Variants in SHISA9 observed in about 807,000 individuals in gnomAD.
The protein encoded by SHISA9 is protein shisa-9.
A neutral mutation model predicts 38.0 loss-of-function variants in SHISA9; 13 were observed. That is an observed-to-expected ratio of 0.34 (90% CI 0.22 to 0.54). SHISA9 has a LOEUF of 0.54. Among genes scored for constraint, SHISA9 ranks in the 20% least tolerant of loss-of-function variants. The pLI is 0.91. For synonymous variants in SHISA9, 275 were observed against 242.0 expected (o/e 1.14, Z -1.27); for missense variants, 538 against 575.8 (o/e 0.93, Z 0.67).
the SHISA9 span, among the ~76,000 whole-genome samples, chr16:13,476,698 A>G: frequency 0.19 from 26,616 of 138,740 alleles, 2,981 homozygotes; most frequent in East Asian, 0.38. Flanking sequence ...TTGTTCTTTG[A>G]CTGAATTTTG....
intron 1 of SHISA9, chr16:12,909,189 A>G (rs1349050339): frequency 2.0e-6 from 2 of 985,824 alleles, no homozygotes; most frequent in African/African-American, 1.7e-5. Context: ...CTCTTTGGGC[A>G]CTGAGTCCTT....
chr16:13,069,182 GTA>G (rs1051974364), intron 2 of SHISA9, among the ~76,000 whole-genome samples: 3 of 138,380 alleles, frequency 2.2e-5, no homozygotes, highest in South Asian at 2.1e-4. Context: ...CATGCAATGT[GTA>G]TATGTGTATA....
the SHISA9 span, among the ~76,000 whole-genome samples, chr16:13,548,074 C>G: frequency 6.6e-6 from 1 of 152,134 alleles, no homozygotes; most frequent in East Asian, 1.9e-4. Flanking sequence ...CACTTAAAGC[C>G]AGCCAATTTT....
chr16:13,488,462 T>C, the SHISA9 span, among the ~76,000 whole-genome samples: 2 of 152,212 alleles, frequency 1.3e-5, no homozygotes, highest in African/African-American at 4.8e-5. Context: ...CCCTCTTACA[T>C]ATACATTACT....
the SHISA9 span, among the ~76,000 whole-genome samples, chr16:13,483,437 G>GC: frequency 1.3e-4 from 20 of 152,172 alleles, no homozygotes; most frequent in Admixed American, 6.5e-4. Flanking sequence ...ACATACAAGG[G>GC]AGCAGAGAAC....
intron 2 of SHISA9, among the ~76,000 whole-genome samples, chr16:12,943,975 C>A (rs1243733725): frequency 2.0e-5 from 3 of 152,048 alleles, no homozygotes; most frequent in African/African-American, 7.2e-5. Flanking sequence ...CTATTGATAT[C>A]TTGGGTCAGA....
intron 2 of SHISA9, among the ~76,000 whole-genome samples, chr16:12,924,663 C>T (rs2071371331): frequency 6.6e-6 from 1 of 152,154 alleles, no homozygotes; most frequent in Non-Finnish European, 1.5e-5. Context: ...GTAGGTTCAG[C>T]ACAGTAGCCT....
intron 4 of SHISA9, among the ~76,000 whole-genome samples, chr16:13,217,237 C>T (rs1423188239): frequency 1.3e-5 from 2 of 152,060 alleles, no homozygotes; most frequent in Non-Finnish European, 2.9e-5. Flanking sequence ...GAGATCTTGC[C>T]ACTGCACCCC....
intron 2 of SHISA9, among the ~76,000 whole-genome samples, chr16:13,019,868 CTCCCTCCCTCCCTCCCTTCT>C (rs2072813323): frequency 2.4e-4 from 8 of 33,840 alleles, no homozygotes; most frequent in Admixed American, 2.1e-3. Context: ...CCCTCCCTCC[CTCCCTCCCTCCCTCCCTTCT>C]TTCTTTCTTT....
intron 2 of SHISA9, among the ~76,000 whole-genome samples, chr16:13,042,509 A>G (rs547951346): frequency 6.6e-6 from 1 of 152,334 alleles, no homozygotes; most frequent in Non-Finnish European, 1.5e-5. Flanking sequence ...AGTTGTTCTC[A>G]TCAAAGTCTT....
chr16:13,235,380 A>G lies in SHISA9; in HGVS notation c.1246A>G (p.Thr416Ala). ...CCCACCCCCACAGCCATACTTCATC[A>G]CCAACAGCAAAACAGAAGTGACTGT... ...HYPPPQPYFI[T>A]NSKTEVTV The change falls in exon 5 of 5, where the codon ACC becomes GCC. Residue 416 changes from threonine (T) to alanine (A), a missense_variant. Around this residue, in one of 4 missense-constraint regions of SHISA9, gnomAD observed 326 missense variants for 305.9 expected, o/e 1.07. Coordinates refer to ENST00000558583, the MANE Select transcript of SHISA9 (RefSeq NM_001145204.3). The G allele has an allele frequency of 1.3e-6, 2 of 1,539,168 alleles. No individual in the cohort carries two copies. Among genetic ancestry groups the G allele is most frequent in the Non-Finnish European group, 1.7e-6 (2 of 1,146,818 alleles).
chr16:13,297,489 A>G, the SHISA9 span, among the ~76,000 whole-genome samples: 262 of 152,264 alleles, frequency 1.7e-3, 1 homozygote, highest in African/African-American at 5.9e-3. Context: ...CCTGGGGTTG[A>G]GACAGTTGCA....
the SHISA9 span, among the ~76,000 whole-genome samples, chr16:13,494,970 A>G: frequency 6.6e-6 from 1 of 152,246 alleles, no homozygotes; most frequent in Non-Finnish European, 1.5e-5. Context: ...AAATAAGTCA[A>G]TCTGACAAGA....
At chr16:13,195,611 A>G (rs2050930250) in intron 2 of SHISA9, among the ~76,000 whole-genome samples, 2 of 152,224 alleles carry the variant, frequency 1.3e-5, no homozygotes, top group East Asian at 1.9e-4. Flanking sequence ...AGGGGAAAAT[A>G]GAATAATTTT....
Position 12,993,058 on chromosome 16 carries a change from C to T in SHISA9, c.691+76243C>T, listed in dbSNP as rs1009367059. 3.3e-5 allele frequency among the ~76,000 whole-genome samples: 5 copies of T among 152,312 alleles called. No individual in the cohort carries two copies. The East Asian group carries it at 9.7e-4, about 29-fold the overall frequency. ...TCATTTCCATCTTGGATTTTAAAGA[C>T]AGTTAATTTTTTGGTGTGTATTTAT... On this transcript the variant is annotated intron_variant, in intron 2 of 4. Transcript: ENST00000558583.
the SHISA9 span, among the ~76,000 whole-genome samples, chr16:13,449,565 T>C: frequency 1.1e-4 from 17 of 152,292 alleles, no homozygotes; most frequent in African/African-American, 3.8e-4. Flanking sequence ...ATCCACTGGA[T>C]TGTACCATCA....
the SHISA9 span, among the ~76,000 whole-genome samples, chr16:13,492,238 G>C: frequency 6.6e-6 from 1 of 152,122 alleles, no homozygotes; most frequent in Non-Finnish European, 1.5e-5. Flanking sequence ...CTGTGGGCGA[G>C]CACTGGGGAA....
intron 2 of SHISA9, among the ~76,000 whole-genome samples, chr16:13,073,163 A>G (rs1410822966): frequency 6.6e-6 from 1 of 151,748 alleles, no homozygotes; most frequent in Non-Finnish European, 1.5e-5. Flanking sequence ...TCACACAGGT[A>G]GCAAAATGCA....
intron 2 of SHISA9, among the ~76,000 whole-genome samples, chr16:12,946,740 G>C (rs1485229496): frequency 6.6e-6 from 1 of 152,234 alleles, no homozygotes. Flanking sequence ...GGCGGAGAAG[G>C]GGGCAGCTGT....
Sources: allele counts gnomAD v4.1 joint callset (sites outside exome capture counted in the v4.1 genomes callset), GRCh38; gene constraint gnomAD v4.1.1; regional missense constraint gnomAD v4.1.1; transcripts MANE v1.5; gene names NCBI Gene and HGNC (gene_info 2026-07-23, HGNC 2026-07-21).